The following OGDH variants were observed in gnomAD, a reference collection of about 807,000 sequenced individuals.
OGDH encodes oxoglutarate dehydrogenase.
In OGDH, 38 loss-of-function variants were observed where a neutral mutation model predicts 116.6. That is an observed-to-expected ratio of 0.33 (90% CI 0.25 to 0.43). OGDH has a LOEUF of 0.43. Among genes scored for constraint, OGDH ranks in the 20% least tolerant of loss-of-function variants. The probability of loss-of-function intolerance (pLI) is 1.00; values close to 1 mark genes in which losing one functional copy is unlikely to be tolerated. For synonymous variants in OGDH, 488 were observed against 533.3 expected (o/e 0.92, Z 1.17); for missense variants, 825 against 1,357.2 (o/e 0.61, Z 6.16).
chr7:44,649,014 C>T (rs1384388130), intron 4 of OGDH, among the ~76,000 whole-genome samples: 1 of 152,006 alleles, frequency 6.6e-6, no homozygotes, highest in Admixed American at 6.6e-5. Context: ...CCTGCTGGCA[C>T]CCCCAGTCCC....
In OGDH at chr7:44,707,239, C is replaced by A. The variant is rs760780569; in HGVS notation, c.2647C>A (p.Arg883=). 10 of 1,614,090 alleles carry A rather than the reference C, an allele frequency of 6.2e-6. No individual in the cohort carries two copies. The Admixed American group carries it at 1.7e-4, about 27-fold the overall frequency. ...DEMLPGTHFQ[R]VIPEDGPAAQ... ...CTCTCTTGTAGGAACCCACTTCCAG[C>A]GGGTGATCCCAGAAGATGGCCCTGC... The change falls in exon 21 of 23, where the codon CGG becomes AGG. Residue 883 remains arginine (R), a synonymous_variant. Transcript: ENST00000222673. The surrounding 1 kb of genome is among the most constrained non-coding windows in gnomAD (Gnocchi z 5.2).
intron 1 of OGDH, chr7:44,622,673 A>G (rs537508818): frequency 2.6e-5 from 4 of 152,136 alleles, no homozygotes; most frequent in African/African-American, 4.8e-5. Flanking sequence ...AATTCACACT[A>G]TGTTTCAGAG....
intron 2 of OGDH, among the ~76,000 whole-genome samples, chr7:44,638,713 C>T (rs1428991779): frequency 1.3e-5 from 2 of 152,224 alleles, no homozygotes; most frequent in Non-Finnish European, 2.9e-5. Context: ...CCTGACTCAG[C>T]TCAGGTTCTC....
chr7:44,682,602 C>T lies in OGDH; in HGVS notation c.1335+754C>T, dbSNP rs578064448. Among the ~76,000 whole-genome samples the T allele has an allele frequency of 3.3e-5, 5 of 150,438 alleles. No individual in the cohort carries two copies. The East Asian group carries it at 1.0e-3, about 30-fold the overall frequency. ...CCCAGCTGCTTGGGAGGCTGAGGCACAAGAATCACTTGAAACCCTTGAGGC... is the reference window on the plus strand; with the variant it reads ...CCCAGCTGCTTGGGAGGCTGAGGCATAAGAATCACTTGAAACCCTTGAGGC... On this transcript the variant is annotated intron_variant, in intron 10 of 22. Transcript: ENST00000222673.
At chr7:44,643,145 G>A (rs1342620091) in intron 2 of OGDH, among the ~76,000 whole-genome samples, 1 of 150,488 alleles carries the variant, frequency 6.6e-6, no homozygotes, top group African/African-American at 2.5e-5. Flanking sequence ...CCATTCAGTG[G>A]AGTTTTGTTT....
intron 10 of OGDH, among the ~76,000 whole-genome samples, chr7:44,690,069 C>G (rs1788304311): frequency 6.6e-6 from 1 of 152,190 alleles, no homozygotes; most frequent in Admixed American, 6.5e-5. Flanking sequence ...CCGCTTCATT[C>G]TTTTGCACTT....
intron 10 of OGDH, among the ~76,000 whole-genome samples, chr7:44,688,242 G>A (rs1278432724): frequency 1.3e-5 from 2 of 151,582 alleles, no homozygotes; most frequent in African/African-American, 2.4e-5. Context: ...GTGGTGGCTC[G>A]TGCCTGTAAT....
At chr7:44,701,392 C>A in intron 19 of OGDH, 151 bp from the exon 20 acceptor site, 1 of 655,076 alleles carries the variant, frequency 1.5e-6, no homozygotes. Context: ...TTCCCTCCTT[C>A]TCTGCCTCTT....
intron 10 of OGDH, among the ~76,000 whole-genome samples, chr7:44,688,263 C>T (rs555436498): frequency 6.6e-6 from 1 of 151,832 alleles, no homozygotes; most frequent in South Asian, 2.1e-4. Context: ...CCCAGCTACT[C>T]TCGAAGCTGC....
At position 44,700,191 on chromosome 7, in the gene OGDH, GGTT is replaced by G. The variant is rs1562688701; in HGVS notation, c.2487_2489del (p.Val830del). The G allele has an allele frequency of 1.2e-6, 2 of 1,614,172 alleles. No homozygotes were observed. Among genetic ancestry groups the G allele is most frequent in the Non-Finnish European group, 1.7e-6 (2 of 1,180,004 alleles). ...TCAATCAGCTATATGACTGCAATTG[GGTT>G]GTTGTCAACTGCTCCACTCCTGGCA... On this transcript the variant is annotated inframe_deletion, in exon 19 of 23. Coordinates refer to ENST00000222673, the MANE Select transcript of OGDH (RefSeq NM_002541.4).
chr7:44,626,530 C>G (rs1785215800), intron 2 of OGDH, among the ~76,000 whole-genome samples: 2 of 152,144 alleles, frequency 1.3e-5, no homozygotes, highest in Non-Finnish European at 2.9e-5. Flanking sequence ...TCAGTAGCTC[C>G]TAAATGACAG....
At chr7:44,637,463 T>C (rs78025674) in intron 2 of OGDH, among the ~76,000 whole-genome samples, 1,616 of 152,352 alleles carry the variant, frequency 0.011, 28 homozygotes, top group African/African-American at 0.037. Flanking sequence ...ATGCCACATA[T>C]AGTTAATAGA....
chr7:44,663,946 A>G (rs1456818168), intron 4 of OGDH, among the ~76,000 whole-genome samples: 1 of 152,050 alleles, frequency 6.6e-6, no homozygotes, highest in African/African-American at 2.4e-5. Flanking sequence ...TCTCAAAAAA[A>G]AAAAAAGAAA....
intron 1 of OGDH, among the ~76,000 whole-genome samples, chr7:44,609,521 A>G (rs918685853): frequency 2.0e-5 from 3 of 151,834 alleles, no homozygotes; most frequent in Non-Finnish European, 2.9e-5. Flanking sequence ...AAAAAAAAAA[A>G]AAAAAGGTAC....
At chr7:44,659,700 A>G (rs1389356722) in intron 4 of OGDH, among the ~76,000 whole-genome samples, 1 of 152,082 alleles carries the variant, frequency 6.6e-6, no homozygotes, top group Non-Finnish European at 1.5e-5. Flanking sequence ...CTTATTTTTG[A>G]TAGTCATTTT....
chr7:44,632,469 A>G (rs985279817), intron 2 of OGDH, among the ~76,000 whole-genome samples: 2 of 152,070 alleles, frequency 1.3e-5, no homozygotes, highest in East Asian at 1.9e-4. Flanking sequence ...TGCCTGACTA[A>G]TATTTTATAT....
rs887483285 is a variant in OGDH, at chr7:44,697,312, A to G, written c.2052-58A>G. 1.9e-6 allele frequency: 3 copies of G among 1,607,398 alleles called. No individual in the cohort carries two copies. Among genetic ancestry groups the G allele is most frequent in the East Asian group, 4.5e-5 (2 of 44,730 alleles). ...CTGCTGGTGCTTCGTGCGGGTCCCC[A>G]GCGTATTTGCTTGTCAAGTCAGAGC... On this transcript the variant is annotated intron_variant, in intron 15 of 22. Coordinates refer to ENST00000222673, the MANE Select transcript of OGDH (RefSeq NM_002541.4). The surrounding 1 kb of genome is among the most constrained non-coding windows in gnomAD (Gnocchi z 6.0).
chr7:44,638,328 G>A (rs1785766812), intron 2 of OGDH, among the ~76,000 whole-genome samples: 1 of 152,148 alleles, frequency 6.6e-6, no homozygotes, highest in African/African-American at 2.4e-5. Flanking sequence ...CTAAAGTAAG[G>A]CCCAAATACC....
intron 5 of OGDH, among the ~76,000 whole-genome samples, chr7:44,669,947 G>C (rs1165271661): frequency 6.6e-6 from 1 of 152,162 alleles, no homozygotes; most frequent in Non-Finnish European, 1.5e-5. Flanking sequence ...TATTGATCAC[G>C]TGATGTGGTG....
Sources: gnomAD v4.1 joint callset for allele counts (sites outside exome capture counted in the v4.1 genomes callset) on GRCh38, gnomAD v4.1.1 for gene constraint, Gnocchi (gnomAD v3.1) non-coding constraint, MANE v1.5 for transcripts, NCBI Gene and HGNC (gene_info 2026-07-23, HGNC 2026-07-21) for gene names.